VEGFC: variants seen among roughly 807,000 people sequenced by gnomAD.
VEGFC encodes the protein vascular endothelial growth factor C.
A neutral mutation model predicts 46.1 loss-of-function variants in VEGFC; 12 were observed. That is an observed-to-expected ratio of 0.26 (90% CI 0.17 to 0.42). The LOEUF (loss-of-function observed/expected upper bound fraction) is 0.42, where lower values mean the gene tolerates loss of function less well. VEGFC is among the 10% of genes least tolerant of loss of function. The pLI, the probability that VEGFC is intolerant of heterozygous loss-of-function variation, is 1.00. For missense variants in VEGFC, 488 were observed against 529.4 expected, an observed-to-expected ratio of 0.92 and a Z score of 0.77; for synonymous variants, 232 against 195.5, an observed-to-expected ratio of 1.19 and a Z score of -1.56.
At chr4:176,693,918 C>T (rs202064375) in intron 4 of VEGFC, among the ~76,000 whole-genome samples, 33,888 of 150,264 alleles carry the variant, frequency 0.23, 6,333 homozygotes, top group African/African-American at 0.52. Context: ...ACTTTACAGA[C>T]AAGCAAATGC....
chr4:176,705,338 G>A (rs1359287789), intron 4 of VEGFC, among the ~76,000 whole-genome samples: 1 of 152,056 alleles, frequency 6.6e-6, no homozygotes, highest in Non-Finnish European at 1.5e-5. Context: ...GAAAATATGA[G>A]AGGAAATAAT....
chr4:176,761,496 G>T (rs1304695627), intron 1 of VEGFC, among the ~76,000 whole-genome samples: 1 of 152,080 alleles, frequency 6.6e-6, no homozygotes, highest in Non-Finnish European at 1.5e-5. Flanking sequence ...CTACATTAAG[G>T]ACAATAGTGA....
intron 4 of VEGFC, among the ~76,000 whole-genome samples, chr4:176,705,363 T>C (rs1475119389): frequency 6.6e-6 from 1 of 152,120 alleles, no homozygotes; most frequent in Non-Finnish European, 1.5e-5. Flanking sequence ...AAAAATAATC[T>C]GTGAGAACAC....
chr4:176,755,861 GGTTAA>G (rs1193337777), intron 1 of VEGFC, among the ~76,000 whole-genome samples: 1 of 151,812 alleles, frequency 6.6e-6, no homozygotes, highest in Non-Finnish European at 1.5e-5. Context: ...TAATGTATCA[GGTTAA>G]GTAATGCATT....
At chr4:176,788,544 T>C (rs1354108670) in intron 1 of VEGFC, among the ~76,000 whole-genome samples, 1 of 152,170 alleles carries the variant, frequency 6.6e-6, no homozygotes, top group African/African-American at 2.4e-5. Context: ...TCCTGACAAA[T>C]TCCTCCTGAG....
At chr4:176,709,394 A>AATCCAG (rs750496304) in intron 4 of VEGFC, among the ~76,000 whole-genome samples, 4 of 152,214 alleles carry the variant, frequency 2.6e-5, no homozygotes, top group Admixed American at 2.6e-4. Flanking sequence ...ACACTCTCAT[A>AATCCAG]ATCCAGTTCC....
At chr4:176,696,219 G>C (rs1465431417) in intron 4 of VEGFC, among the ~76,000 whole-genome samples, 1 of 149,450 alleles carries the variant, frequency 6.7e-6, no homozygotes, top group Non-Finnish European at 1.5e-5. Flanking sequence ...CAACATGATT[G>C]TATATCTAGA....
chr4:176,711,223 C>G (rs1264660387), intron 4 of VEGFC, among the ~76,000 whole-genome samples: 1 of 152,124 alleles, frequency 6.6e-6, no homozygotes, highest in East Asian at 1.9e-4. Flanking sequence ...AGCTACCTTA[C>G]TGATATTTTA....
At chr4:176,715,973 A>T (rs1734691997) in intron 3 of VEGFC, among the ~76,000 whole-genome samples, 1 of 152,100 alleles carries the variant, frequency 6.6e-6, no homozygotes, top group South Asian at 2.1e-4. Context: ...ACTTGGAAAA[A>T]TTACCTAACT....
At chr4:176,785,580 T>G (rs11131760) in intron 1 of VEGFC, among the ~76,000 whole-genome samples, 107,607 of 152,064 alleles carry the variant, frequency 0.71, 44,084 homozygotes, top group East Asian at 0.99. Context: ...TGGTCTCATT[T>G]TTAGCAGATT....
intron 1 of VEGFC, among the ~76,000 whole-genome samples, chr4:176,775,268 T>C (rs1230840407): frequency 2.0e-5 from 3 of 152,074 alleles, no homozygotes; most frequent in African/African-American, 7.2e-5. Context: ...AAAAAAGTAA[T>C]GAAAGAGAAA....
At chr4:176,740,094 CTATACATATATTCTATA>C (rs1422420165) in intron 1 of VEGFC, among the ~76,000 whole-genome samples, 1 of 16,444 alleles carries the variant, frequency 6.1e-5, no homozygotes, top group Non-Finnish European at 1.3e-3. Context: ...TCTATATATT[CTATACATATATTCTATA>C]TATATATTCT....
chr4:176,713,483 CTTA>C (rs1734651093), intron 3 of VEGFC, among the ~76,000 whole-genome samples: 1 of 151,894 alleles, frequency 6.6e-6, no homozygotes, highest in South Asian at 2.1e-4. Context: ...TATAAAATTA[CTTA>C]TTTTTTATAT....
intron 4 of VEGFC, among the ~76,000 whole-genome samples, chr4:176,703,592 T>C (rs1734473312): frequency 6.6e-6 from 1 of 152,050 alleles, no homozygotes; most frequent in African/African-American, 2.4e-5. Context: ...GTTAATAATA[T>C]TTTATTATAT....
chr4:176,714,799 T>A (rs1357815938), intron 3 of VEGFC, among the ~76,000 whole-genome samples: 1 of 152,174 alleles, frequency 6.6e-6, no homozygotes, highest in African/African-American at 2.4e-5. Flanking sequence ...CAAATCAGGA[T>A]CCACCCATGG....
At chr4:176,770,651 T>C (rs966382199) in intron 1 of VEGFC, among the ~76,000 whole-genome samples, 2 of 152,150 alleles carry the variant, frequency 1.3e-5, no homozygotes, top group South Asian at 2.1e-4. Context: ...ATTTCTGTTA[T>C]AGTGTCCTCT....
In VEGFC at chr4:176,687,538, G is replaced by T. The variant is rs774509633; in HGVS notation, c.812-18C>A. Reference sequence around the variant, plus strand: ...TGTTGAGTCTAGACAAATAGTCAGAGAATCTTTACTATACCTTACTTGGTT... The same window carrying T: ...TGTTGAGTCTAGACAAATAGTCAGATAATCTTTACTATACCTTACTTGGTT... On this transcript the variant is annotated intron_variant, in intron 5 of 6. Transcript: ENST00000618562. The T allele has an allele frequency of 1.3e-6, 2 of 1,548,448 alleles. No individual in the cohort carries two copies. Among genetic ancestry groups the T allele is most frequent in the African/African-American group, 2.8e-5 (2 of 72,246 alleles).
intron 1 of VEGFC, among the ~76,000 whole-genome samples, chr4:176,752,703 C>T (rs185793751): frequency 2.0e-5 from 3 of 152,126 alleles, no homozygotes; most frequent in Non-Finnish European, 4.4e-5. Context: ...ATAACTTACA[C>T]ACAAATCTAA....
Position 176,784,141 on chromosome 4 carries a change from T to C in VEGFC, c.147+8024A>G, listed in dbSNP as rs368730171. On this transcript the variant is annotated intron_variant, in intron 1 of 6. Transcript: ENST00000618562. ...GTGCAGTGGGGTGATCTCAGCTCACTCACTGCAACCTCCGCCTCCTGGGCT... is the reference window on the plus strand; with the variant it reads ...GTGCAGTGGGGTGATCTCAGCTCACCCACTGCAACCTCCGCCTCCTGGGCT... 2.0e-3 allele frequency among the ~76,000 whole-genome samples: 295 copies of C among 147,228 alleles called. 2 individuals are homozygous for C. The highest frequency in any genetic ancestry group is 7.1e-3 in the African/African-American group (283 of 39,708).
Sources: gnomAD v4.1 joint callset for allele counts (sites outside exome capture counted in the v4.1 genomes callset) on GRCh38, gnomAD v4.1.1 for gene constraint, MANE v1.5 for transcripts, NCBI Gene and HGNC (gene_info 2026-07-23, HGNC 2026-07-21) for gene names.